Variants in ATP10A observed in about 807,000 individuals in gnomAD.
ATP10A encodes ATPase phospholipid transporting 10A (putative).
In ATP10A, 111 loss-of-function variants were observed where a neutral mutation model predicts 147.8. The ratio of observed to expected loss-of-function variants is 0.75; its 90% CI spans 0.64 to 0.88. ATP10A has a LOEUF of 0.88. Ranked by LOEUF, ATP10A falls within the 40% of genes least tolerant of loss-of-function variation. ATP10A has a pLI of 0.00. For synonymous variants in ATP10A, 875 were observed against 841.6 expected (o/e 1.04, Z -0.69); for missense variants, 1,927 against 1,959.0 (o/e 0.98, Z 0.31).
chr15:25,854,032 G>T (rs1567434241), intron 1 of ATP10A, among the ~76,000 whole-genome samples: 1 of 151,224 alleles, frequency 6.6e-6, no homozygotes, highest in Non-Finnish European at 1.5e-5. Flanking sequence ...TAACTGCAAT[G>T]AACTAAAATC....
chr15:25,859,644 G>A (rs1027541074), intron 1 of ATP10A, among the ~76,000 whole-genome samples: 9 of 151,964 alleles, frequency 5.9e-5, no homozygotes, highest in South Asian at 2.1e-4. Context: ...CCTAAATAGC[G>A]TGTGAAATCC....
rs761846602 is a variant in ATP10A, at chr15:25,680,138, G to A, written c.3849C>T (p.Val1283=). ...VFYLTCLMTP[V]AALLPRLFFR... ...ACACCCACCTGGGCAGCAGTGCAGC[G>A]ACAGGCGTCATCAGGCAAGTCAAGT... Residue 1283 remains valine, a synonymous_variant, in exon 20 of 21, where the codon GTC becomes GTT. Transcript: ENST00000555815. 17 of 1,613,728 alleles carry A rather than the reference G, an allele frequency of 1.1e-5. No homozygotes were observed. The highest frequency in any genetic ancestry group is 2.7e-5 in the African/African-American group (2 of 74,918).
intron 2 of ATP10A, among the ~76,000 whole-genome samples, chr15:25,742,232 C>G (rs763900687): frequency 3.3e-5 from 5 of 152,246 alleles, no homozygotes; most frequent in Non-Finnish European, 7.3e-5. Context: ...GAACTGGCAT[C>G]CAGGCCTCCG....
intron 10 of ATP10A, among the ~76,000 whole-genome samples, chr15:25,713,247 A>G (rs1199885938): frequency 6.6e-6 from 1 of 152,172 alleles, no homozygotes; most frequent in South Asian, 2.1e-4. Flanking sequence ...AACAGAGGGC[A>G]GTGGGGGAGG....
chr15:25,775,436 C>T (rs1270727776), intron 2 of ATP10A, among the ~76,000 whole-genome samples: 1 of 152,216 alleles, frequency 6.6e-6, no homozygotes. Context: ...ACAGTGTATT[C>T]ACAAAACAGA....
At chr15:25,809,164 C>T (rs60426267) in intron 1 of ATP10A, among the ~76,000 whole-genome samples, 28 of 152,136 alleles carry the variant, frequency 1.8e-4, no homozygotes, top group African/African-American at 6.5e-4. Context: ...TGGGTCAGGG[C>T]TCCCCAGTGG....
At chr15:25,698,061 C>A (rs1242025543) in intron 13 of ATP10A, among the ~76,000 whole-genome samples, 1 of 151,792 alleles carries the variant, frequency 6.6e-6, no homozygotes, top group African/African-American at 2.4e-5. Context: ...GGCATGATGA[C>A]AAAATGTAAT....
At chr15:25,735,003 CGGG>C (rs774115891) in intron 3 of ATP10A, among the ~76,000 whole-genome samples, 37,730 of 129,086 alleles carry the variant, frequency 0.29, 6,191 homozygotes, top group Non-Finnish European at 0.35. Flanking sequence ...GTGGTGGGAG[CGGG>C]GGGGGGGTGG....
chr15:25,745,610 G>T (rs540138056), intron 2 of ATP10A, among the ~76,000 whole-genome samples: 57 of 152,218 alleles, frequency 3.7e-4, no homozygotes, highest in African/African-American at 1.3e-3. Flanking sequence ...GGACTAAGAT[G>T]CAGGAAGAAA....
intron 2 of ATP10A, among the ~76,000 whole-genome samples, chr15:25,772,102 T>A (rs1039735138): frequency 3.9e-5 from 6 of 152,070 alleles, no homozygotes; most frequent in African/African-American, 1.2e-4. Flanking sequence ...CCGGGACACA[T>A]CCTAAAGCTG....
intron 2 of ATP10A, among the ~76,000 whole-genome samples, chr15:25,741,594 T>C (rs1258888778): frequency 6.6e-6 from 1 of 152,224 alleles, no homozygotes; most frequent in African/African-American, 2.4e-5. Flanking sequence ...ACTTTCTTTA[T>C]TATTACTATT....
chr15:25,697,898 C>T (rs1035924195), intron 13 of ATP10A, among the ~76,000 whole-genome samples: 15 of 152,192 alleles, frequency 9.9e-5, no homozygotes, highest in African/African-American at 3.6e-4. Flanking sequence ...TCCCTAAAAC[C>T]CTTAGCTCCA....
intron 12 of ATP10A, among the ~76,000 whole-genome samples, chr15:25,707,101 A>T (rs989441253): frequency 2.6e-5 from 4 of 152,226 alleles, no homozygotes; most frequent in African/African-American, 9.6e-5. Context: ...TCTGTGGGCA[A>T]ACAATATATA....
At chr15:25,703,233 C>T (rs555616841) in intron 12 of ATP10A, among the ~76,000 whole-genome samples, 3 of 152,172 alleles carry the variant, frequency 2.0e-5, no homozygotes, top group African/African-American at 7.2e-5. Flanking sequence ...TAGTGGGTGC[C>T]TGTAATCCCA....
intron 9 of ATP10A, among the ~76,000 whole-genome samples, chr15:25,714,464 A>G (rs1901655644): frequency 6.6e-6 from 1 of 151,990 alleles, no homozygotes; most frequent in South Asian, 2.1e-4. Context: ...GTATCATAAA[A>G]CTTCTTAAAG....
rs376349144 is a variant in ATP10A at position 25,678,972 on chromosome 15, C to T, written c.*369G>A. On this transcript the variant is annotated 3_prime_UTR_variant, in exon 21 of 21. Coordinates refer to ENST00000555815, the MANE Select transcript of ATP10A (RefSeq NM_024490.4). The stretch of plus-strand genomic sequence containing the variant: ...CTGCCATCTCTGCTCATTGTTCCCC[C>T]ATGTTCACACCTGCCTGCATTAACC... 1 of 152,864 alleles carries T rather than the reference C, an allele frequency of 6.5e-6. No homozygotes were observed. The highest frequency in any genetic ancestry group is 2.4e-5 in the African/African-American group (1 of 41,456). The allele number at this position is 152,864 out of a possible 1,614,324, so 9.5% of individuals were successfully genotyped here.
In ATP10A at chr15:25,851,363, G is replaced by GT. The variant is rs761687848; in HGVS notation, c.449+11284dup. 3.2e-3 allele frequency among the ~76,000 whole-genome samples: 475 copies of GT among 146,690 alleles called. 2 individuals carry two copies. The highest frequency in any genetic ancestry group is 7.6e-3 in the African/African-American group (306 of 40,226). ...TTTTGAAAACCAAGACTTACTTTAG[G>GT]TTTTTTTTTTTAATTATTATTGTTA... is the stretch of plus-strand genomic sequence containing the variant. On this transcript the variant is annotated intron_variant, in intron 1 of 20. Coordinates refer to ENST00000555815, the MANE Select transcript of ATP10A (RefSeq NM_024490.4).
chr15:25,705,917 C>A (rs1596720587), intron 12 of ATP10A, among the ~76,000 whole-genome samples: 1 of 152,198 alleles, frequency 6.6e-6, no homozygotes, highest in Admixed American at 6.5e-5. Context: ...CCCAGGAGTT[C>A]CATCGCTGAC....
chr15:25,732,698 G>C (rs1293881260), intron 3 of ATP10A, among the ~76,000 whole-genome samples: 2 of 151,576 alleles, frequency 1.3e-5, no homozygotes, highest in African/African-American at 4.9e-5. Context: ...TGGGACTACA[G>C]GCGCCCTCCA....
Sources: gnomAD v4.1 joint callset for allele counts (sites outside exome capture counted in the v4.1 genomes callset) on GRCh38, gnomAD v4.1.1 for gene constraint, MANE v1.5 for transcripts, NCBI Gene and HGNC (gene_info 2026-07-23, HGNC 2026-07-21) for gene names.